Variants in RANBP3L observed in about 807,000 individuals in gnomAD.
The protein encoded by RANBP3L is RAN binding protein 3 like, also known as ran-binding protein 3-like.
Under a neutral mutation model 67.2 loss-of-function variants are expected in RANBP3L, and 56 were observed. That is an observed-to-expected ratio of 0.83 (90% CI 0.67 to 1.04). The LOEUF is 1.04. RANBP3L is among the 50% of genes least tolerant of loss of function. The probability of loss-of-function intolerance (pLI) is 0.00; values close to 1 mark genes in which losing one functional copy is unlikely to be tolerated. For synonymous variants in RANBP3L, 164 were observed against 181.4 expected (o/e 0.90, Z 0.77); for missense variants, 496 against 535.5 (o/e 0.93, Z 0.73).
intron 6 of RANBP3L, among the ~76,000 whole-genome samples, chr5:36,264,581 G>A (rs1182870019): frequency 6.6e-6 from 1 of 152,132 alleles, no homozygotes; most frequent in Non-Finnish European, 1.5e-5. Flanking sequence ...ACCTAAACTG[G>A]CAACGATACA....
chr5:36,293,385 C>T (rs1751947307), intron 1 of RANBP3L, among the ~76,000 whole-genome samples: 1 of 138,972 alleles, frequency 7.2e-6, no homozygotes, highest in Non-Finnish European at 1.6e-5. Flanking sequence ...TAATTGAATA[C>T]CCTTTATTTC....
chr5:36,260,360 CAAA>C (rs1276517049), intron 8 of RANBP3L, among the ~76,000 whole-genome samples: 5 of 79,018 alleles, frequency 6.3e-5, no homozygotes, highest in Non-Finnish European at 9.6e-5. Flanking sequence ...GACTCTGTCT[CAAA>C]AAAAAAAAAA....
At chr5:36,265,568 A>T in intron 4 of RANBP3L, 48 bp from the exon 5 acceptor site, 2 of 1,103,792 alleles carry the variant, frequency 1.8e-6, no homozygotes, top group Non-Finnish European at 2.7e-6. Flanking sequence ...AGAGTGTCAG[A>T]TTCTACACTA....
At chr5:36,268,175 C>T in intron 4 of RANBP3L, 1 of 1,489,814 alleles carries the variant, frequency 6.7e-7, no homozygotes. Context: ...GCTTGAGGTT[C>T]TAGAAACTCT....
chr5:36,299,707 G>T (rs570474671), intron 1 of RANBP3L, among the ~76,000 whole-genome samples: 3 of 152,110 alleles, frequency 2.0e-5, no homozygotes, highest in Admixed American at 2.0e-4. Flanking sequence ...TAAAATATTA[G>T]AAATAAATAA....
Position 36,301,583 on chromosome 5 carries a change from G to T in RANBP3L, c.-167C>A. The T allele has an allele frequency of 2.0e-6, 1 of 488,346 alleles. No homozygotes were observed. Among genetic ancestry groups the T allele is most frequent in the South Asian group, 4.3e-5 (1 of 23,180 alleles). The allele number at this position is 488,346 out of a possible 1,614,324, so 30.3% of individuals were successfully genotyped here. On this transcript the variant is annotated 5_prime_UTR_variant, in exon 1 of 14. In the 5' UTR this introduces an upstream ATG that the reference lacks. Transcript: ENST00000296604. Reference sequence around the variant, plus strand: ...CTACTAAACTTCCAAGCTTTTTCCAGTCATGATTCTTGAAATAAATAATCA... The same window carrying T: ...CTACTAAACTTCCAAGCTTTTTCCATTCATGATTCTTGAAATAAATAATCA...
Position 36,301,513 on chromosome 5 carries a change from T to C in RANBP3L, c.-97A>G. ...CCTTCACCAGACACCCAGAAATACA[T>C]AGATTCATGCAGATCTTGTCTTTGC... On this transcript the variant is annotated 5_prime_UTR_variant, in exon 1 of 14. The change abolishes an upstream ATG in the 5' untranslated region. Transcript: ENST00000296604. 1 of 814,292 alleles carries C rather than the reference T, an allele frequency of 1.2e-6. No homozygotes were observed. Among genetic ancestry groups the C allele is most frequent in the South Asian group, 1.4e-5 (1 of 70,872 alleles). The allele number at this position is 814,292 out of a possible 1,614,324, so 50.4% of individuals were successfully genotyped here.
rs776523109 is a variant in RANBP3L at position 36,257,539 on chromosome 5, G to C, written c.687C>G (p.Thr229=). ...ATGAATCATTTTCAAGTTGAGGCTG[G>C]GTGAGTTTTTGAGTACCCTGAGAGC... is the stretch of plus-strand genomic sequence containing the variant. ...VERVLGTQKL[T]QPQLENDSYA... Residue 229 remains threonine, a synonymous_variant, in exon 9 of 14, where the codon ACC becomes ACG. Coordinates refer to ENST00000296604, the MANE Select transcript of RANBP3L (RefSeq NM_145000.5). The C allele has an allele frequency of 6.4e-7, 1 of 1,570,918 alleles. No homozygotes were observed. The highest frequency in any genetic ancestry group is 8.7e-7 in the Non-Finnish European group (1 of 1,151,522).
At position 36,281,156 on chromosome 5, in the gene RANBP3L, T is replaced by C. The variant is rs10461966; in HGVS notation, c.92-9845A>G. On this transcript the variant is annotated intron_variant, in intron 1 of 13. Transcript: ENST00000296604. ...AAAATTTTATCTCCTCAAGTTACTG[T>C]GTGAGCTGGGGCATGTCATTTGAAC... is the stretch of plus-strand genomic sequence containing the variant. Among the ~76,000 whole-genome samples, 1,832 of 152,306 alleles carry C rather than the reference T, an allele frequency of 0.012. 152 individuals carry two copies. In the East Asian group the frequency reaches 0.22, roughly 18 times the overall value.
chr5:36,299,122 T>C (rs1030447842), intron 1 of RANBP3L, among the ~76,000 whole-genome samples: 1 of 152,158 alleles, frequency 6.6e-6, no homozygotes, highest in African/African-American at 2.4e-5. Context: ...CCTCCCAGCC[T>C]ACATCTTTCT....
intron 1 of RANBP3L, among the ~76,000 whole-genome samples, chr5:36,292,391 G>A (rs1404706041): frequency 1.3e-5 from 2 of 151,828 alleles, no homozygotes. Context: ...CTGTGCAGAA[G>A]CTCTTGAGTT....
chr5:36,262,211 T>C (rs753790331), intron 6 of RANBP3L, among the ~76,000 whole-genome samples, 169 bp from the exon 7 acceptor site: 3 of 152,216 alleles, frequency 2.0e-5, no homozygotes, highest in Non-Finnish European at 4.4e-5. Flanking sequence ...TCTAACACTT[T>C]GTAATTCTAT....
intron 1 of RANBP3L, among the ~76,000 whole-genome samples, chr5:36,287,829 A>G (rs192238727): frequency 2.0e-5 from 3 of 152,354 alleles, no homozygotes; most frequent in Admixed American, 2.0e-4. Context: ...AAAGCTGACT[A>G]AAGTTATACT....
At chr5:36,288,432 C>T (rs1015689907) in intron 1 of RANBP3L, among the ~76,000 whole-genome samples, 5 of 152,188 alleles carry the variant, frequency 3.3e-5, no homozygotes, top group Non-Finnish European at 7.3e-5. Context: ...TGAATAAAAT[C>T]TGCTACGAGC....
rs182605715 is a variant in RANBP3L at position 36,287,589 on chromosome 5, T to G, written c.91+13737A>C. 8.1e-3 allele frequency among the ~76,000 whole-genome samples: 1,232 copies of G among 152,292 alleles called. 19 individuals are homozygous for G. Among genetic ancestry groups the G allele is most frequent in the African/African-American group, 0.028 (1,165 of 41,562 alleles). On this transcript the variant is annotated intron_variant, in intron 1 of 13. Transcript: ENST00000296604. ...TTTAAAACAATACAACACTGAATTCTAAAGAAAATTAAGATAAATCGTTGA... is the reference window on the plus strand; with the variant it reads ...TTTAAAACAATACAACACTGAATTCGAAAGAAAATTAAGATAAATCGTTGA...
intron 11 of RANBP3L, among the ~76,000 whole-genome samples, chr5:36,255,094 G>C (rs565485888): frequency 6.6e-6 from 1 of 152,000 alleles, no homozygotes; most frequent in Non-Finnish European, 1.5e-5. Context: ...ATAATAATAA[G>C]ATTACTATTT....
At position 36,294,763 on chromosome 5, in the gene RANBP3L, G is replaced by GTA. The variant is rs1335404359; in HGVS notation, c.91+6561_91+6562dup. 4.7e-5 allele frequency among the ~76,000 whole-genome samples: 7 copies of GTA among 148,710 alleles called. No individual in the cohort carries two copies. The East Asian group carries it at 5.9e-4, about 12-fold the overall frequency. On this transcript the variant is annotated intron_variant, in intron 1 of 13. Transcript: ENST00000296604. ...ATATATATATATATGTATAGTGTGT[G>GTA]TATATATATAGTGTGTATGTATAGT...
chr5:36,301,024 G>A (rs1175130613), intron 1 of RANBP3L, among the ~76,000 whole-genome samples: 1 of 152,142 alleles, frequency 6.6e-6, no homozygotes, highest in African/African-American at 2.4e-5. Context: ...AATCCCCCTT[G>A]TAGCTGACTC....
intron 1 of RANBP3L, among the ~76,000 whole-genome samples, chr5:36,291,514 G>C (rs1751767163): frequency 6.6e-6 from 1 of 151,888 alleles, no homozygotes; most frequent in South Asian, 2.1e-4. Context: ...TCGTCATCTA[G>C]CATTAGGTAT....
Sources: allele counts gnomAD v4.1 joint callset (sites outside exome capture counted in the v4.1 genomes callset), GRCh38; gene constraint gnomAD v4.1.1; transcripts MANE v1.5; gene names NCBI Gene and HGNC (gene_info 2026-07-23, HGNC 2026-07-21).